The following ENG variants were observed in gnomAD, a reference collection of about 807,000 sequenced individuals.
The protein encoded by ENG is endoglin.
Under a neutral mutation model 71.0 loss-of-function variants are expected in ENG, and 17 were observed. That is an observed-to-expected ratio of 0.24 (90% confidence interval 0.16 to 0.36). The LOEUF is 0.36. ENG is among the 10% of genes least tolerant of loss of function. The pLI is 1.00. For missense variants in ENG, 749 were observed against 868.3 expected, an observed-to-expected ratio of 0.86 and a Z score of 1.73; for synonymous variants, 360 against 366.9, an observed-to-expected ratio of 0.98 and a Z score of 0.21.
chr9:127,820,753 C>T (rs971329900), intron 8 of ENG, among the ~76,000 whole-genome samples: 8 of 151,312 alleles, frequency 5.3e-5, no homozygotes, highest in Non-Finnish European at 8.8e-5. Context: ...GGCGTGAGCC[C>T]GGGAGGCGGA....
chr9:127,842,419 TA>T (rs1156449645), intron 2 of ENG, among the ~76,000 whole-genome samples: 3 of 151,240 alleles, frequency 2.0e-5, no homozygotes, highest in Non-Finnish European at 4.4e-5. Flanking sequence ...ATTTTATTTT[TA>T]TTTTTTTATT....
intron 2 of ENG, among the ~76,000 whole-genome samples, chr9:127,830,475 T>C (rs1830738028): frequency 6.6e-6 from 1 of 151,798 alleles, no homozygotes; most frequent in African/African-American, 2.4e-5. Context: ...AAACCCCGTC[T>C]TTACTAAAAA....
intron 4 of ENG, among the ~76,000 whole-genome samples, chr9:127,826,177 C>T (rs1830611262): frequency 6.6e-6 from 1 of 152,216 alleles, no homozygotes; most frequent in African/African-American, 2.4e-5. Flanking sequence ...TTGTCACCTC[C>T]CTCATCACAG....
At chr9:127,834,177 A>G (rs1376552952) in intron 2 of ENG, among the ~76,000 whole-genome samples, 1 of 152,136 alleles carries the variant, frequency 6.6e-6, no homozygotes, top group East Asian at 1.9e-4. Context: ...GGTTCAAGCA[A>G]TTGTCCTGCC....
chr9:127,838,736 T>G lies in ENG; in HGVS notation c.219+4358A>C, dbSNP rs1196050207. 6.6e-6 allele frequency among the ~76,000 whole-genome samples: 1 copy of G among 151,914 alleles called. No homozygotes were observed. On this transcript the variant is annotated intron_variant, in intron 2 of 14. Coordinates refer to ENST00000373203, the MANE Select transcript of ENG (RefSeq NM_001114753.3). This position sits in a 1 kb window ranked among gnomAD's most constrained non-coding sequence, Gnocchi z 4.3. ...CAGGCTGGTTTCCTGTCTCCGAGGG[T>G]CAGGATGTGACCCTGGGCCCCCTCC...
intron 2 of ENG, among the ~76,000 whole-genome samples, chr9:127,839,224 C>T (rs1830972301): frequency 6.6e-6 from 1 of 152,196 alleles, no homozygotes; most frequent in African/African-American, 2.4e-5. Context: ...CATACCAGGG[C>T]TGCTGATGCC....
chr9:127,850,326 G>A (rs1480339772), intron 1 of ENG, among the ~76,000 whole-genome samples: 1 of 152,232 alleles, frequency 6.6e-6, no homozygotes, highest in Admixed American at 6.5e-5. Context: ...GACATGCTGG[G>A]GACAGAGGAG....
chr9:127,836,861 C>T lies in ENG; in HGVS notation c.219+6233G>A, dbSNP rs1830913985. On this transcript the variant is annotated intron_variant, in intron 2 of 14. Coordinates refer to ENST00000373203, the MANE Select transcript of ENG (RefSeq NM_001114753.3). This position sits in a 1 kb window ranked among gnomAD's most constrained non-coding sequence, Gnocchi z 4.0. Reference sequence around the variant, plus strand: ...GGAGTACAGTGGCACGATCTCGGCTCACTGCAATCTCCGCCTCCTGGGTTC... The same window carrying T: ...GGAGTACAGTGGCACGATCTCGGCTTACTGCAATCTCCGCCTCCTGGGTTC... 6.6e-6 allele frequency among the ~76,000 whole-genome samples: 1 copy of T among 152,140 alleles called. No homozygotes were observed. The highest frequency in any genetic ancestry group is 2.4e-5 in the African/African-American group (1 of 41,424).
rs1829099196 is a variant in ENG, at chr9:127,854,432, G to C, written c.-77C>G. Reference sequence around the variant, plus strand: ...GGGCTGCGGGCGGGCACCGGGGCCGGCGTGGGCTCGCACGGGGACCCGAGG... The same window carrying C: ...GGGCTGCGGGCGGGCACCGGGGCCGCCGTGGGCTCGCACGGGGACCCGAGG... On this transcript the variant is annotated 5_prime_UTR_variant, in exon 1 of 15. Coordinates refer to ENST00000373203, the MANE Select transcript of ENG (RefSeq NM_001114753.3). 4 of 1,478,572 alleles carry C rather than the reference G, an allele frequency of 2.7e-6. No individual in the cohort carries two copies. Among genetic ancestry groups the C allele is most frequent in the Non-Finnish European group, 3.7e-6 (4 of 1,092,756 alleles). The allele number at this position is 1,478,572 out of a possible 1,614,324, so 91.6% of individuals were successfully genotyped here.
In ENG at chr9:127,854,319, G is replaced by A; in HGVS notation, c.37C>T (p.Leu13=). 2.6e-5 allele frequency: 42 copies of A among 1,596,232 alleles called. No individual in the cohort carries two copies. The highest frequency in any genetic ancestry group is 3.5e-5 in the Non-Finnish European group (41 of 1,172,122). ...RGTLPLAVAL[L]LASCSLSPTS... is the part of the protein sequence containing the mutation. Reference sequence around the variant, plus strand: ...GGGCTGAGGCTGCAGCTGGCCAGCAGCAGGGCAACAGCCAGAGGGAGCGTG... The same window carrying A: ...GGGCTGAGGCTGCAGCTGGCCAGCAACAGGGCAACAGCCAGAGGGAGCGTG... Residue 13 remains leucine, a synonymous_variant, in exon 1 of 15, where the codon CTG becomes TTG. Coordinates refer to ENST00000373203, the MANE Select transcript of ENG (RefSeq NM_001114753.3).
rs769883395 is a variant in ENG, at chr9:127,854,379, G to A, written c.-24C>T. On this transcript the variant is annotated 5_prime_UTR_variant, in exon 1 of 15. Coordinates refer to ENST00000373203, the MANE Select transcript of ENG (RefSeq NM_001114753.3). ...ATGCTGTCCACGTGGGGGCCTGTGC[G>A]CTGGGCCTTATCCTGTGTCCAGTGG... 56 of 1,570,430 alleles carry A rather than the reference G, an allele frequency of 3.6e-5. No homozygotes were observed. Among genetic ancestry groups the A allele is most frequent in the Non-Finnish European group, 4.1e-5 (48 of 1,158,392 alleles).
At chr9:127,854,146 G>A (rs1829093437) in intron 1 of ENG, 143 bp downstream of exon 1, 3 of 768,596 alleles carry the variant, frequency 3.9e-6, no homozygotes, top group Non-Finnish European at 4.2e-6. Flanking sequence ...CCAGCAAACT[G>A]GGAGGGTTGG....
chr9:127,851,822 G>A (rs954002246), intron 1 of ENG, among the ~76,000 whole-genome samples: 4 of 152,072 alleles, frequency 2.6e-5, no homozygotes, highest in South Asian at 2.1e-4. Context: ...AGGTTGCAGC[G>A]AGCCTAGATT....
chr9:127,816,767 C>T, intron 13 of ENG: 1 of 356,264 alleles, frequency 2.8e-6, no homozygotes, highest in Non-Finnish European at 5.4e-6. Flanking sequence ...AGGGGGCGTC[C>T]TGCAGGGAGA....
chr9:127,824,988 G>A lies in ENG; in HGVS notation c.817-14C>T. ...TTCTCCAGTGGTCTAATGGTGGGGAGAGAGGCAGAACAGGGGGCCATGGAC... is the reference window on the plus strand; with the variant it reads ...TTCTCCAGTGGTCTAATGGTGGGGAAAGAGGCAGAACAGGGGGCCATGGAC... On this transcript the variant is annotated splice_polypyrimidine_tract_variant and intron_variant, in intron 6 of 14. Coordinates refer to ENST00000373203, the MANE Select transcript of ENG (RefSeq NM_001114753.3). 1 of 1,611,202 alleles carries A rather than the reference G, an allele frequency of 6.2e-7. No homozygotes were observed. The highest frequency in any genetic ancestry group is 8.5e-7 in the Non-Finnish European group (1 of 1,179,572).
In ENG at chr9:127,825,320, C is replaced by G. The variant is rs761827492; in HGVS notation, c.727G>C (p.Ala243Pro). The change falls in exon 6 of 15, where the codon GCA becomes CCA. Residue 243 changes from alanine (A) to proline (P), a missense_variant. Physicochemically the swap from Ala to Pro is conservative, Grantham distance 27. Coordinates refer to ENST00000373203, the MANE Select transcript of ENG (RefSeq NM_001114753.3). ...TVTVKVELSC[A>P]PGDLDAVLIL... ...AGGACGGCATCGAGATCCCCGGGTG[C>G]GCAGCTCAGTTCCACCTTCACCGTC... 6.2e-7 allele frequency: 1 copy of G among 1,610,610 alleles called. No individual in the cohort carries two copies. Among genetic ancestry groups the G allele is most frequent in the South Asian group, 1.1e-5 (1 of 90,878 alleles).
In ENG at chr9:127,843,282, A is replaced by C. The variant is rs1327183367; in HGVS notation, c.68-37T>G. ...ACATCCGGAAAGAGGCCAGGTGAGA[A>C]TAAGGTGATGACAATGACTCCTACT... On this transcript the variant is annotated intron_variant, in intron 1 of 14. Coordinates refer to ENST00000373203, the MANE Select transcript of ENG (RefSeq NM_001114753.3). 6 of 1,613,754 alleles carry C rather than the reference A, an allele frequency of 3.7e-6. No individual in the cohort carries two copies. In the South Asian group the frequency reaches 6.6e-5, roughly 18 times the overall value.
chr9:127,828,521 G>C (rs1057139803), intron 3 of ENG, among the ~76,000 whole-genome samples: 4 of 152,190 alleles, frequency 2.6e-5, no homozygotes, highest in Non-Finnish European at 5.9e-5. Context: ...CTTCCGGCTG[G>C]CGGGCGCGTT....
At chr9:127,853,302 C>T (rs1412756807) in intron 1 of ENG, among the ~76,000 whole-genome samples, 1 of 152,074 alleles carries the variant, frequency 6.6e-6, no homozygotes, top group African/African-American at 2.4e-5. Flanking sequence ...GTTTTCCTTC[C>T]CCTTCCTCCC....
Sources: allele counts gnomAD v4.1 joint callset (sites outside exome capture counted in the v4.1 genomes callset), GRCh38; gene constraint gnomAD v4.1.1; non-coding constraint Gnocchi (gnomAD v3.1); transcripts MANE v1.5; gene names NCBI Gene and HGNC (gene_info 2026-07-23, HGNC 2026-07-21).